Variants in EPHA6 observed in about 807,000 individuals in gnomAD.
EPHA6 encodes EPH receptor A6, also known as ephrin type-A receptor 6.
EPHA6 carries 50 observed loss-of-function variants against 112.0 expected under a neutral mutation model. The ratio of observed to expected loss-of-function variants is 0.45; its 90% confidence interval spans 0.36 to 0.56. The LOEUF is 0.56. EPHA6 is among the 20% of genes least tolerant of loss of function. The pLI is 0.00. For synonymous variants in EPHA6, 529 were observed against 490.7 expected (o/e 1.08, Z -1.03); for missense variants, 1,280 against 1,417.4 (o/e 0.90, Z 1.56).
intron 15 of EPHA6, among the ~76,000 whole-genome samples, chr3:97,732,385 C>A (rs2035075552): frequency 6.6e-6 from 1 of 151,806 alleles, no homozygotes; most frequent in African/African-American, 2.4e-5. Flanking sequence ...ACAGCCTGTT[C>A]TATGTGGCAC....
intron 3 of EPHA6, among the ~76,000 whole-genome samples, chr3:96,998,483 G>A (rs76209714): frequency 0.014 from 2,109 of 151,746 alleles, 60 homozygotes; most frequent in African/African-American, 0.048. Flanking sequence ...TTTAAGAATA[G>A]CTTTATTTTT....
chr3:96,891,633 C>T (rs541407764), intron 2 of EPHA6, among the ~76,000 whole-genome samples: 6 of 152,102 alleles, frequency 3.9e-5, no homozygotes, highest in East Asian at 1.9e-4. Flanking sequence ...TGCTTGAACC[C>T]GGGAGGCGGA....
rs2078785995 is a variant in EPHA6, at chr3:97,239,716, C to T, written c.1271-4236C>T. 2.0e-5 allele frequency among the ~76,000 whole-genome samples: 3 copies of T among 151,526 alleles called. No homozygotes were observed. In the South Asian group the frequency reaches 6.2e-4, roughly 32 times the overall value. ...AAAGAAGGGCTTGTTCTTTCTGTCT[C>T]AGGGGAGGCAGAGGCAGAAAAAGTG... On this transcript the variant is annotated intron_variant, in intron 4 of 17. Transcript: ENST00000389672.
At chr3:97,141,758 G>A (rs190974377) in intron 3 of EPHA6, among the ~76,000 whole-genome samples, 36 of 151,810 alleles carry the variant, frequency 2.4e-4, no homozygotes, top group Admixed American at 3.9e-4. Context: ...ACCTAATATC[G>A]TAACTCAAGG....
intron 10 of EPHA6, among the ~76,000 whole-genome samples, chr3:97,496,292 CTG>C (rs1431569358): frequency 1.3e-5 from 2 of 152,098 alleles, no homozygotes; most frequent in Admixed American, 6.6e-5. Context: ...AAAAAAAAGT[CTG>C]TCTTTACCAT....
At chr3:96,977,490 T>G (rs2042580254) in intron 2 of EPHA6, among the ~76,000 whole-genome samples, 1 of 152,164 alleles carries the variant, frequency 6.6e-6, no homozygotes, top group Non-Finnish European at 1.5e-5. Flanking sequence ...TGTAATAAAA[T>G]TATACTTGTA....
At position 96,952,756 on chromosome 3, in the gene EPHA6, G is replaced by A. The variant is rs369366586; in HGVS notation, c.451-34574G>A. Among the ~76,000 whole-genome samples, 13 of 152,080 alleles carry A rather than the reference G, an allele frequency of 8.5e-5. 2 individuals are homozygous for A. Among genetic ancestry groups the A allele is most frequent in the African/African-American group, 2.9e-4 (12 of 41,466 alleles). The stretch of plus-strand genomic sequence containing the variant: ...ATTTACTCGGTTGATAGTTTCTTTT[G>A]ACGGGAAATCAAATACTGCATGTTG... On this transcript the variant is annotated intron_variant, in intron 2 of 17. Transcript: ENST00000389672.
intron 11 of EPHA6, among the ~76,000 whole-genome samples, chr3:97,580,356 A>C (rs569017638): frequency 1.2e-4 from 18 of 152,350 alleles, no homozygotes; most frequent in African/African-American, 3.8e-4. Flanking sequence ...AATTAAAAGC[A>C]TGTATGTTAA....
At chr3:96,980,610 G>T (rs1354405715) in intron 2 of EPHA6, among the ~76,000 whole-genome samples, 1 of 152,082 alleles carries the variant, frequency 6.6e-6, no homozygotes, top group African/African-American at 2.4e-5. Flanking sequence ...TAGCTTGATG[G>T]GGATGGCATT....
intron 11 of EPHA6, among the ~76,000 whole-genome samples, chr3:97,536,319 T>A (rs1478682259): frequency 1.3e-5 from 2 of 152,150 alleles, no homozygotes; most frequent in African/African-American, 4.8e-5. Flanking sequence ...AATACTGGGC[T>A]CTGCAGTTTG....
rs188568997 is a variant in EPHA6, at chr3:96,949,273, A to G, written c.451-38057A>G. Among the ~76,000 whole-genome samples the G allele has an allele frequency of 4.9e-4, 75 of 152,284 alleles. 1 individual carries two copies. In the East Asian group the frequency reaches 8.7e-3, roughly 18 times the overall value. On this transcript the variant is annotated intron_variant, in intron 2 of 17. Coordinates refer to ENST00000389672, the MANE Select transcript of EPHA6 (RefSeq NM_001080448.3). ...AAATCTTAAAAACAAAAAATATTAC[A>G]TGAAACAAAAATAGCTATTAGTAGC...
Position 97,648,702 on chromosome 3 carries a change from G to A in EPHA6, c.2784+10620G>A, listed in dbSNP as rs2094085855. 1.1e-5 allele frequency: 11 copies of A among 971,860 alleles called. No homozygotes were observed. The South Asian group carries it at 3.4e-4, about 30-fold the overall frequency. 60.2% of individuals were successfully genotyped at this position (971,860 alleles called of 1,614,324 possible). On this transcript the variant is annotated intron_variant, in intron 14 of 17. Transcript: ENST00000389672. ...TTGTCTCTTAAATTAAAGAGTTGGTGTAAAAAGTTTGCAGCGAGAAAAAAG... is the reference window on the plus strand; with the variant it reads ...TTGTCTCTTAAATTAAAGAGTTGGTATAAAAAGTTTGCAGCGAGAAAAAAG...
At chr3:97,735,354 T>C (rs1323312734) in intron 15 of EPHA6, among the ~76,000 whole-genome samples, 6 of 152,006 alleles carry the variant, frequency 3.9e-5, no homozygotes, top group Admixed American at 3.3e-4. Context: ...TTAGGAGGTA[T>C]AGGAGTATGA....
intron 3 of EPHA6, among the ~76,000 whole-genome samples, chr3:96,995,168 C>A (rs1014735640): frequency 6.6e-6 from 1 of 151,982 alleles, no homozygotes; most frequent in Non-Finnish European, 1.5e-5. Context: ...TGCTGCAGTT[C>A]AGAAACATTT....
At chr3:96,950,599 C>T (rs546166297) in intron 2 of EPHA6, among the ~76,000 whole-genome samples, 5 of 152,160 alleles carry the variant, frequency 3.3e-5, no homozygotes, top group African/African-American at 1.2e-4. Flanking sequence ...AATAAATCAT[C>T]ATTATTCATG....
At chr3:97,414,542 T>C (rs891292402) in intron 6 of EPHA6, among the ~76,000 whole-genome samples, 2 of 152,040 alleles carry the variant, frequency 1.3e-5, no homozygotes, top group South Asian at 2.1e-4. Flanking sequence ...TAGTAACCGA[T>C]GTATAGTAAG....
At chr3:97,660,194 T>C (rs1363618408) in intron 14 of EPHA6, among the ~76,000 whole-genome samples, 1 of 152,084 alleles carries the variant, frequency 6.6e-6, no homozygotes, top group Non-Finnish European at 1.5e-5. Context: ...CTCCCTTCAG[T>C]ATTTTGCACT....
intron 12 of EPHA6, among the ~76,000 whole-genome samples, chr3:97,607,672 C>A (rs2093689736): frequency 6.6e-6 from 1 of 151,030 alleles, no homozygotes; most frequent in Admixed American, 6.6e-5. Context: ...TTGACTAATT[C>A]AAGAAGCCTG....
At chr3:96,970,723 A>G (rs2042285566) in intron 2 of EPHA6, among the ~76,000 whole-genome samples, 1 of 152,102 alleles carries the variant, frequency 6.6e-6, no homozygotes, top group Non-Finnish European at 1.5e-5. Flanking sequence ...AACAGAGCTT[A>G]CGGTCTACGT....
Sources: gnomAD v4.1 joint callset for allele counts (sites outside exome capture counted in the v4.1 genomes callset) on GRCh38, gnomAD v4.1.1 for gene constraint, MANE v1.5 for transcripts, NCBI Gene and HGNC (gene_info 2026-07-23, HGNC 2026-07-21) for gene names.